NFKB1: variants seen among roughly 807,000 people sequenced by gnomAD.
The protein encoded by NFKB1 is nuclear factor NF-kappa-B p105 subunit.
Under a neutral mutation model 105.1 loss-of-function variants are expected in NFKB1, and 9 were observed. The observed-to-expected ratio is 0.09, with a 90% CI of 0.05 to 0.15. The LOEUF is 0.15. Ranked by LOEUF, NFKB1 falls within the 10% of genes least tolerant of loss-of-function variation. The probability of loss-of-function intolerance (pLI) is 1.00; values close to 1 mark genes in which losing one functional copy is unlikely to be tolerated. For synonymous variants in NFKB1, 440 were observed against 442.2 expected (o/e 1.00, Z 0.06); for missense variants, 830 against 1,203.7 (o/e 0.69, Z 4.59).
intron 5 of NFKB1, among the ~76,000 whole-genome samples, chr4:102,548,539 T>G (rs1296846970): frequency 6.6e-6 from 1 of 152,112 alleles, no homozygotes; most frequent in Non-Finnish European, 1.5e-5. Flanking sequence ...AGCATAAAAT[T>G]AAAAGCATTC....
rs565279706 is a variant in NFKB1, at chr4:102,616,513, G to A, written c.2829G>A (p.Leu943=). The change falls in exon 24 of 24, where the codon CTG becomes CTA. Residue 943 remains leucine, a synonymous_variant. Coordinates refer to ENST00000226574, the MANE Select transcript of NFKB1 (RefSeq NM_003998.4). ...SFRKLSFTES[L]TSGASLLTLN... ...GCAAACTCAGCTTTACCGAGTCTCTGACCAGTGGTGCCTCACTGCTAACTC... is the reference window on the plus strand; with the variant it reads ...GCAAACTCAGCTTTACCGAGTCTCTAACCAGTGGTGCCTCACTGCTAACTC... The A allele has an allele frequency of 8.7e-6, 14 of 1,614,092 alleles. No homozygotes were observed. In the Admixed American group the frequency reaches 1.2e-4, roughly 13 times the overall value.
chr4:102,592,971 AG>A (rs1162599004), intron 11 of NFKB1, among the ~76,000 whole-genome samples: 5 of 152,132 alleles, frequency 3.3e-5, no homozygotes, highest in Non-Finnish European at 5.9e-5. Flanking sequence ...ATTATGTTGG[AG>A]GGTTCTTGGC....
rs1170824345 is a variant in NFKB1, at chr4:102,576,868, T to C, written c.408-8T>C. ...TTGTTGCTGCTGCTGTTACTGTTTTTTCTCCAGCTTCGCAAACCTGGGTAT... is the reference window on the plus strand; with the variant it reads ...TTGTTGCTGCTGCTGTTACTGTTTTCTCTCCAGCTTCGCAAACCTGGGTAT... On this transcript the variant is annotated splice_polypyrimidine_tract_variant and splice_region_variant and intron_variant, in intron 6 of 23. Transcript: ENST00000226574. 2 of 1,602,658 alleles carry C rather than the reference T, an allele frequency of 1.2e-6. No individual in the cohort carries two copies. The highest frequency in any genetic ancestry group is 3.5e-5 in the Admixed American group (2 of 57,572).
chr4:102,612,543 G>A lies in NFKB1; in HGVS notation c.2529G>A (p.Gly843=), dbSNP rs1728520557. 2 of 1,613,916 alleles carry A rather than the reference G, an allele frequency of 1.2e-6. No homozygotes were observed. The highest frequency in any genetic ancestry group is 1.3e-5 in the African/African-American group (1 of 74,928). ...CTCTGGCGCAGAAATTAGGTCTGGG[G>A]ATACTTAATAATGCCTTCCGGCTGA... is the stretch of plus-strand genomic sequence containing the variant. ...WATLAQKLGL[G]ILNNAFRLSP... The change falls in exon 22 of 24, where the codon GGG becomes GGA. Residue 843 remains glycine (G), a synonymous_variant. Coordinates refer to ENST00000226574, the MANE Select transcript of NFKB1 (RefSeq NM_003998.4).
intron 7 of NFKB1, 147 bp downstream of exon 7, chr4:102,577,186 C>G: frequency 1.3e-6 from 1 of 772,234 alleles, no homozygotes; most frequent in Non-Finnish European, 2.0e-6. Context: ...TTGATGGCAT[C>G]CTGCTACTTC....
At chr4:102,520,456 A>G (rs1740492099) in intron 1 of NFKB1, among the ~76,000 whole-genome samples, 2 of 152,200 alleles carry the variant, frequency 1.3e-5, no homozygotes, top group South Asian at 4.1e-4. Flanking sequence ...TGTTGGATTG[A>G]CATTCCACTG....
chr4:102,584,343 T>C (rs1481091996), intron 10 of NFKB1, among the ~76,000 whole-genome samples: 3 of 152,206 alleles, frequency 2.0e-5, no homozygotes, highest in Admixed American at 2.0e-4. Flanking sequence ...CTTGGAGGCT[T>C]TTAAGGCTGC....
intron 5 of NFKB1, among the ~76,000 whole-genome samples, chr4:102,546,234 A>C (rs534750571): frequency 1.3e-5 from 2 of 152,272 alleles, no homozygotes; most frequent in South Asian, 2.1e-4. Context: ...CCATGACTTA[A>C]AGAAGATTGG....
At chr4:102,567,500 T>C in intron 6 of NFKB1, among the ~76,000 whole-genome samples, 1 of 152,362 alleles carries the variant, frequency 6.6e-6, no homozygotes, top group East Asian at 1.9e-4. Flanking sequence ...GAAACATAAC[T>C]ATAGCAGAAA....
intron 5 of NFKB1, among the ~76,000 whole-genome samples, chr4:102,559,913 G>T: frequency 6.7e-6 from 1 of 148,454 alleles, no homozygotes; most frequent in South Asian, 2.1e-4. Context: ...ACTCCAGCCT[G>T]AATGGCAGAG....
chr4:102,566,351 A>G (rs1013929220), intron 5 of NFKB1, among the ~76,000 whole-genome samples: 2 of 152,216 alleles, frequency 1.3e-5, no homozygotes, highest in Admixed American at 6.5e-5. Context: ...TGAATTGAAG[A>G]AACTTACTAT....
intron 1 of NFKB1, chr4:102,510,974 T>G: frequency 7.8e-7 from 1 of 1,280,120 alleles, no homozygotes; most frequent in South Asian, 1.3e-5. Flanking sequence ...AAAAGAGTGT[T>G]AAAAAGTCAG....
intron 16 of NFKB1, among the ~76,000 whole-genome samples, chr4:102,605,746 G>C (rs553910158): frequency 6.6e-6 from 1 of 152,146 alleles, no homozygotes; most frequent in Non-Finnish European, 1.5e-5. Context: ...TGAGATACTT[G>C]TATTATCCTG....
rs4648143 is a variant in NFKB1, at chr4:102,616,617, G to T, written c.*23G>T. On this transcript the variant is annotated 3_prime_UTR_variant, in exon 24 of 24. Coordinates refer to ENST00000226574, the MANE Select transcript of NFKB1 (RefSeq NM_003998.4). ...TAGCCTGCTGACAATTTCCCACACCGTGTAAACCAAAGCCCTAAAATTCCA... is the reference window on the plus strand; with the variant it reads ...TAGCCTGCTGACAATTTCCCACACCTTGTAAACCAAAGCCCTAAAATTCCA... The T allele has an allele frequency of 3.1e-6, 5 of 1,608,802 alleles. No homozygotes were observed. Among genetic ancestry groups the T allele is most frequent in the Non-Finnish European group, 4.2e-6 (5 of 1,176,822 alleles).
intron 1 of NFKB1, among the ~76,000 whole-genome samples, chr4:102,511,228 AG>A (rs1466306282): frequency 1.3e-5 from 2 of 152,228 alleles, no homozygotes; most frequent in Admixed American, 1.3e-4. Context: ...GATTAACATA[AG>A]TAGGGTTTTA....
At chr4:102,514,671 G>A (rs1006740576) in intron 1 of NFKB1, among the ~76,000 whole-genome samples, 4 of 152,096 alleles carry the variant, frequency 2.6e-5, no homozygotes, top group South Asian at 2.1e-4. Context: ...ATCAATTACC[G>A]AGAGAGGAAT....
intron 5 of NFKB1, among the ~76,000 whole-genome samples, chr4:102,566,463 T>G (rs1240616024): frequency 6.6e-6 from 1 of 152,184 alleles, no homozygotes; most frequent in Non-Finnish European, 1.5e-5. Context: ...GGCTTGAGTG[T>G]TTATAGCCAA....
intron 1 of NFKB1, among the ~76,000 whole-genome samples, chr4:102,503,684 T>G (rs1318467445): frequency 6.6e-6 from 1 of 152,158 alleles, no homozygotes; most frequent in Admixed American, 6.5e-5. Context: ...CTTTGATCTT[T>G]GCACTTCCTT....
chr4:102,602,440 TGA>T (rs969440405), intron 16 of NFKB1, among the ~76,000 whole-genome samples: 31 of 150,710 alleles, frequency 2.1e-4, no homozygotes, highest in Non-Finnish European at 3.7e-4. Flanking sequence ...CTCGGGAGGC[TGA>T]GGCAGGAGAA....
Sources: allele counts gnomAD v4.1 joint callset (sites outside exome capture counted in the v4.1 genomes callset), GRCh38; gene constraint gnomAD v4.1.1; transcripts MANE v1.5; gene names NCBI Gene and HGNC (gene_info 2026-07-23, HGNC 2026-07-21).